The following PRKN variants were observed in gnomAD, a reference collection of about 807,000 sequenced individuals.
PRKN encodes the protein parkin RBR E3 ubiquitin protein ligase, also known as E3 ubiquitin-protein ligase parkin.
In PRKN, 56 loss-of-function variants were observed where a neutral mutation model predicts 59.5. The observed-to-expected ratio is 0.94, with a 90% CI of 0.76 to 1.18. The LOEUF (loss-of-function observed/expected upper bound fraction) is 1.18, where lower values mean the gene tolerates loss of function less well. PRKN is among the 50% of genes most tolerant of loss of function. The pLI, the probability that PRKN is intolerant of heterozygous loss-of-function variation, is 0.00. For missense variants in PRKN, 657 were observed against 596.4 expected (o/e 1.10, Z -1.06); for synonymous variants, 250 against 222.1 (o/e 1.13, Z -1.12).
At chr6:161,406,464 G>A (rs1787282403) in intron 9 of PRKN, among the ~76,000 whole-genome samples, 1 of 152,032 alleles carries the variant, frequency 6.6e-6, no homozygotes, top group Non-Finnish European at 1.5e-5. Context: ...CTTTTTAAAT[G>A]CTTCAATCAC....
chr6:161,651,330 C>T (rs1784142601), intron 7 of PRKN, among the ~76,000 whole-genome samples: 1 of 152,172 alleles, frequency 6.6e-6, no homozygotes, highest in Non-Finnish European at 1.5e-5. Flanking sequence ...ACACCACGGA[C>T]CATGTCTTTA....
chr6:162,670,230 T>C (rs1272239591), intron 1 of PRKN, among the ~76,000 whole-genome samples: 2 of 152,202 alleles, frequency 1.3e-5, no homozygotes, highest in South Asian at 2.1e-4. Context: ...GCAACAGCCC[T>C]GCAGTCACAT....
intron 1 of PRKN, among the ~76,000 whole-genome samples, chr6:162,497,056 T>A (rs956985541): frequency 6.6e-5 from 10 of 152,234 alleles, no homozygotes; most frequent in Non-Finnish European, 1.2e-4. Context: ...ATCTTAGTGA[T>A]GTTGTAATGG....
intron 1 of PRKN, among the ~76,000 whole-genome samples, chr6:162,558,331 T>G: frequency 6.6e-6 from 1 of 150,696 alleles, no homozygotes; most frequent in Non-Finnish European, 1.5e-5. Context: ...TTTTCCCTTT[T>G]TTTTTTTTTT....
rs1369499464 is a variant in PRKN at position 161,376,831 on chromosome 6, G to A, written c.1167+9963C>T. Among the ~76,000 whole-genome samples, 1 of 152,196 alleles carries A rather than the reference G, an allele frequency of 6.6e-6. No homozygotes were observed. The highest frequency in any genetic ancestry group is 1.5e-5 in the Non-Finnish European group (1 of 68,024). On this transcript the variant is annotated intron_variant, in intron 10 of 11. Coordinates refer to ENST00000366898, the MANE Select transcript of PRKN (RefSeq NM_004562.3). This position sits in a 1 kb window ranked among gnomAD's most constrained non-coding sequence, Gnocchi z 7.3. ...TTGAGAGCACCCCAAGACACTCCCT[G>A]CCTGCAAGTCTCAGAGCCTGTTCTC... is the stretch of plus-strand genomic sequence containing the variant.
intron 7 of PRKN, among the ~76,000 whole-genome samples, chr6:161,587,697 C>A (rs2872896): frequency 6.6e-6 from 1 of 151,880 alleles, no homozygotes; most frequent in Admixed American, 6.6e-5. Context: ...TCTGGTTACA[C>A]GAGTAAGTTC....
At chr6:162,168,985 C>T (rs954017015) in intron 4 of PRKN, among the ~76,000 whole-genome samples, 1 of 152,062 alleles carries the variant, frequency 6.6e-6, no homozygotes, top group East Asian at 1.9e-4. Flanking sequence ...CTTTGCTGGC[C>T]GGCCAGATTC....
intron 5 of PRKN, among the ~76,000 whole-genome samples, chr6:161,997,137 T>C (rs1420377837): frequency 2.0e-5 from 3 of 152,184 alleles, no homozygotes; most frequent in East Asian, 1.9e-4. Flanking sequence ...CTCTATTCCA[T>C]AGACAATTCC....
intron 1 of PRKN, among the ~76,000 whole-genome samples, chr6:162,659,929 T>C (rs988525370): frequency 6.6e-6 from 1 of 152,148 alleles, no homozygotes; most frequent in Admixed American, 6.5e-5. Context: ...TAAACAAAAT[T>C]TATTTGTCAT....
intron 9 of PRKN, among the ~76,000 whole-genome samples, chr6:161,439,165 C>T (rs989598910): frequency 1.3e-5 from 2 of 152,262 alleles, no homozygotes; most frequent in Admixed American, 1.3e-4. Flanking sequence ...CAAGGTCCTG[C>T]GATGCCGCAG....
chr6:161,361,517 T>C lies in PRKN; in HGVS notation c.1168-1312A>G, dbSNP rs1194246228. ...ACCAAATTTCAGGGGTTACCAAACT[T>C]TCAGGGGTTACCACTAAACTTTCAG... On this transcript the variant is annotated intron_variant, in intron 10 of 11. Transcript: ENST00000366898. This position sits in a 1 kb window ranked among gnomAD's most constrained non-coding sequence, Gnocchi z 5.2. Among the ~76,000 whole-genome samples, 1 of 152,176 alleles carries C rather than the reference T, an allele frequency of 6.6e-6. No homozygotes were observed. Among genetic ancestry groups the C allele is most frequent in the Non-Finnish European group, 1.5e-5 (1 of 68,026 alleles).
rs374635907 is a variant in PRKN at position 162,283,615 on chromosome 6, A to G, written c.172-20850T>C. ...CGGCTCACTGCAACCTCCGCCTCCC[A>G]GATTAAAGCAGTTCTCATGCCTCAA... On this transcript the variant is annotated intron_variant, in intron 2 of 11. Coordinates refer to ENST00000366898, the MANE Select transcript of PRKN (RefSeq NM_004562.3). Among the ~76,000 whole-genome samples, 31 of 152,256 alleles carry G rather than the reference A, an allele frequency of 2.0e-4. No individual in the cohort carries two copies. The East Asian group carries it at 3.5e-3, about 17-fold the overall frequency.
At chr6:162,500,123 A>G (rs371028817) in intron 1 of PRKN, among the ~76,000 whole-genome samples, 17 of 149,520 alleles carry the variant, frequency 1.1e-4, no homozygotes, top group African/African-American at 4.2e-4. Context: ...TCAGGTGCAC[A>G]TCTCCTCCCA....
At chr6:161,647,299 G>A (rs1167088059) in intron 7 of PRKN, among the ~76,000 whole-genome samples, 2 of 152,194 alleles carry the variant, frequency 1.3e-5, no homozygotes, top group East Asian at 3.8e-4. Context: ...GGGTCTGATA[G>A]GGCATGACAG....
Position 161,407,395 on chromosome 6 carries a change from G to C in PRKN, c.1084-20518C>G, listed in dbSNP as rs1034260251. On this transcript the variant is annotated intron_variant, in intron 9 of 11. Transcript: ENST00000366898. This position sits in a 1 kb window ranked among gnomAD's most constrained non-coding sequence, Gnocchi z 4.9. Reference sequence around the variant, plus strand: ...GCACACTGGCACAATTGTTTGCTGGGAGGTAATTTAACAGGACTGAAATGC... The same window carrying C: ...GCACACTGGCACAATTGTTTGCTGGCAGGTAATTTAACAGGACTGAAATGC... Among the ~76,000 whole-genome samples the C allele has an allele frequency of 2.6e-5, 4 of 152,106 alleles. No individual in the cohort carries two copies. Among genetic ancestry groups the C allele is most frequent in the Non-Finnish European group, 4.4e-5 (3 of 68,020 alleles).
rs144430557 is a variant in PRKN at position 162,027,114 on chromosome 6, T to G, written c.618+26977A>C. On this transcript the variant is annotated intron_variant, in intron 5 of 11. Coordinates refer to ENST00000366898, the MANE Select transcript of PRKN (RefSeq NM_004562.3). ...GGCTTCTAACTTCAGAACCCTCACTTATGACCTCTCTACAAATTCTGCTCT... is the reference window on the plus strand; with the variant it reads ...GGCTTCTAACTTCAGAACCCTCACTGATGACCTCTCTACAAATTCTGCTCT... Among the ~76,000 whole-genome samples the G allele has an allele frequency of 2.0e-3, 304 of 152,266 alleles. 1 individual carries two copies. Among genetic ancestry groups the G allele is most frequent in the African/African-American group, 7.0e-3 (292 of 41,550 alleles).
intron 1 of PRKN, among the ~76,000 whole-genome samples, chr6:162,633,660 A>G (rs1777601681): frequency 6.6e-6 from 1 of 152,032 alleles, no homozygotes; most frequent in Non-Finnish European, 1.5e-5. Flanking sequence ...GCAGAGGCCC[A>G]GTGCACCCCA....
rs1562354454 is a variant in PRKN at position 161,874,249 on chromosome 6, T to TGTA, written c.735-88342_735-88341insTAC. Among the ~76,000 whole-genome samples, 27 of 14,636 alleles carry TGTA rather than the reference T, an allele frequency of 1.8e-3. 5 individuals are homozygous for TGTA. The highest frequency in any genetic ancestry group is 2.9e-3 in the African/African-American group (17 of 5,936). The allele number at this position is 14,636 out of a possible 152,430, so 9.6% of individuals were successfully genotyped here. On this transcript the variant is annotated intron_variant, in intron 6 of 11. Coordinates refer to ENST00000366898, the MANE Select transcript of PRKN (RefSeq NM_004562.3). ...ATTATATATAATATATAATATATAA[T>TGTA]ATATATTATATGTAAAATATATAAT...
At chr6:162,201,969 C>T (rs1462059586) in intron 3 of PRKN, among the ~76,000 whole-genome samples, 1 of 152,176 alleles carries the variant, frequency 6.6e-6, no homozygotes, top group East Asian at 1.9e-4. Context: ...CATATAGGGA[C>T]ACTCTGTAAA....
Sources: allele counts gnomAD v4.1 joint callset (sites outside exome capture counted in the v4.1 genomes callset), GRCh38; gene constraint gnomAD v4.1.1; non-coding constraint Gnocchi (gnomAD v3.1); transcripts MANE v1.5; gene names NCBI Gene and HGNC (gene_info 2026-07-23, HGNC 2026-07-21).